ASPRV1: variants seen among roughly 807,000 people sequenced by gnomAD.
The protein encoded by ASPRV1 is retroviral-like aspartic protease 1.
A neutral mutation model predicts 11.0 loss-of-function variants in ASPRV1; 7 were observed. The observed-to-expected ratio is 0.64, with a 90% CI of 0.36 to 1.20. ASPRV1 has a LOEUF of 1.20. Ranked by LOEUF, ASPRV1 falls within the 50% of genes most tolerant of loss-of-function variation. ASPRV1 has a pLI of 0.02. For missense variants in ASPRV1, 299 were observed against 320.0 expected, an observed-to-expected ratio of 0.93 and a Z score of 0.50; for synonymous variants, 136 against 138.4, an observed-to-expected ratio of 0.98 and a Z score of 0.12.
At chr2:70,048,187 G>A in the ASPRV1 span, among the ~76,000 whole-genome samples, 26 of 146,888 alleles carry the variant, frequency 1.8e-4, no homozygotes, top group African/African-American at 1.5e-4. Flanking sequence ...AGGCCGAGGC[G>A]GGCAGATCAC....
chr2:69,986,382 G>A, the ASPRV1 span, among the ~76,000 whole-genome samples: 1,522 of 152,310 alleles, frequency 1.0e-2, 17 homozygotes, highest in Non-Finnish European at 0.017. Context: ...CACTCCCCTC[G>A]CTCAGAGAGA....
chr2:70,011,388 G>A, the ASPRV1 span, among the ~76,000 whole-genome samples: 7 of 152,206 alleles, frequency 4.6e-5, no homozygotes, highest in Non-Finnish European at 8.8e-5. Context: ...TCGTTTAGGT[G>A]AGAAGGGATG....
chr2:69,975,520 T>C, the ASPRV1 span: 3 of 152,306 alleles, frequency 2.0e-5, no homozygotes, highest in Non-Finnish European at 4.4e-5. Flanking sequence ...CAAGTACAAT[T>C]TGAATTTGCC....
the ASPRV1 span, among the ~76,000 whole-genome samples, chr2:69,984,361 T>C: frequency 6.6e-6 from 1 of 152,160 alleles, no homozygotes; most frequent in African/African-American, 2.4e-5. Flanking sequence ...ATAAATGCTC[T>C]TTTTGGCTTA....
the ASPRV1 span, among the ~76,000 whole-genome samples, chr2:70,060,340 C>CAAAAAAAAAA: frequency 1.9e-5 from 1 of 52,732 alleles, no homozygotes; most frequent in Non-Finnish European, 4.7e-5. Context: ...GACTCCATCT[C>CAAAAAAAAAA]AAAAAAAAAA....
downstream of ASPRV1, among the ~76,000 whole-genome samples, chr2:69,956,432 A>AAGAAGG (rs1350106545): frequency 6.0e-5 from 9 of 150,270 alleles, no homozygotes; most frequent in Admixed American, 3.3e-4. Context: ...AAGAAGAAAG[A>AAGAAGG]AGAAGGAGAA....
At chr2:70,064,693 A>G in the ASPRV1 span, among the ~76,000 whole-genome samples, 1 of 152,198 alleles carries the variant, frequency 6.6e-6, no homozygotes, top group Non-Finnish European at 1.5e-5. Flanking sequence ...GGAGAGGCCA[A>G]AAGGGCCTAA....
upstream of ASPRV1, among the ~76,000 whole-genome samples, chr2:69,965,136 C>T (rs887373259): frequency 6.6e-6 from 1 of 152,176 alleles, no homozygotes; most frequent in Non-Finnish European, 1.5e-5. Flanking sequence ...CAACCTCTGC[C>T]TCCTGGGCTC....
At chr2:69,935,664 C>A in the ASPRV1 span, among the ~76,000 whole-genome samples, 1 of 152,168 alleles carries the variant, frequency 6.6e-6, no homozygotes, top group African/African-American at 2.4e-5. Context: ...AATGGTCCAT[C>A]CAACTCTCCA....
At chr2:70,074,157 A>AC in the ASPRV1 span, among the ~76,000 whole-genome samples, 4 of 150,534 alleles carry the variant, frequency 2.7e-5, no homozygotes, top group South Asian at 2.1e-4. Context: ...AAAAAAAAAA[A>AC]AAACAGAAAT....
At chr2:69,955,569 T>C (rs1677918811), downstream of ASPRV1, among the ~76,000 whole-genome samples, 1 of 152,138 alleles carries the variant, frequency 6.6e-6, no homozygotes, top group African/African-American at 2.4e-5. Flanking sequence ...ATTTTAGAAC[T>C]GGGCAAATAA....
chr2:70,016,913 T>C, the ASPRV1 span, among the ~76,000 whole-genome samples: 6 of 151,676 alleles, frequency 4.0e-5, no homozygotes, highest in Non-Finnish European at 8.8e-5. Flanking sequence ...ATTCCTGGGA[T>C]GCAAGGATGG....
At chr2:69,996,642 G>A in the ASPRV1 span, 13 of 445,782 alleles carry the variant, frequency 2.9e-5, no homozygotes, top group South Asian at 2.1e-4. Flanking sequence ...AATTCTAAAT[G>A]CAAATGCTTC....
chr2:70,000,788 CAAAAAAAAA>C, the ASPRV1 span, among the ~76,000 whole-genome samples: 1,623 of 41,986 alleles, frequency 0.039, 26 homozygotes, highest in African/African-American at 0.13. Context: ...GACCCTGCCT[CAAAAAAAAA>C]AAAAAAAAAA....
the ASPRV1 span, chr2:70,056,402 G>C: frequency 4.6e-5 from 7 of 151,900 alleles, no homozygotes; most frequent in Non-Finnish European, 7.4e-5. Context: ...TCAGGAGATC[G>C]AGACCATCCC....
At chr2:70,044,240 T>C in the ASPRV1 span, among the ~76,000 whole-genome samples, 3 of 152,236 alleles carry the variant, frequency 2.0e-5, no homozygotes, top group East Asian at 5.8e-4. Context: ...AATTGTGGGA[T>C]CCCAAGCAAT....
chr2:70,050,974 A>G, the ASPRV1 span: 1 of 152,132 alleles, frequency 6.6e-6, no homozygotes, highest in Non-Finnish European at 1.5e-5. Context: ...AAAGTCATGA[A>G]TAAGTGATTT....
chr2:69,981,712 A>G, the ASPRV1 span, among the ~76,000 whole-genome samples: 1 of 152,242 alleles, frequency 6.6e-6, no homozygotes, highest in Admixed American at 6.5e-5. Context: ...ACATGCCACA[A>G]TGCTCAGCTA....
chr2:69,939,736 CAG>C, the ASPRV1 span: 1 of 152,438 alleles, frequency 6.6e-6, no homozygotes, highest in Non-Finnish European at 1.5e-5. Flanking sequence ...GATGCTGAAG[CAG>C]AGTGTGTCAC....
Sources: allele counts gnomAD v4.1 joint callset (sites outside exome capture counted in the v4.1 genomes callset), GRCh38; gene constraint gnomAD v4.1.1; transcripts MANE v1.5; gene names NCBI Gene and HGNC (gene_info 2026-07-23, HGNC 2026-07-21).